Variants in PLCD1 observed in about 807,000 individuals in gnomAD.
PLCD1 encodes the protein phospholipase C delta 1.
PLCD1 carries 71 observed loss-of-function variants against 87.4 expected under a neutral mutation model. The observed-to-expected ratio is 0.81, with a 90% CI of 0.67 to 0.99. PLCD1 has a LOEUF of 0.99. Among genes scored for constraint, PLCD1 ranks in the 50% least tolerant of loss-of-function variants. The pLI, the probability that PLCD1 is intolerant of heterozygous loss-of-function variation, is 0.00. For missense variants in PLCD1, 867 were observed against 1,001.5 expected, an observed-to-expected ratio of 0.87 and a Z score of 1.81; for synonymous variants, 348 against 399.2, an observed-to-expected ratio of 0.87 and a Z score of 1.53.
Position 38,007,737 on chromosome 3 carries a change from G to C in PLCD1, c.*36C>G, listed in dbSNP as rs1699983146. ...TCCCCACATGTGGACAGAGGGCCCA[G>C]CCCACTCAGGGGGGACCCCACTGGC... On this transcript the variant is annotated 3_prime_UTR_variant, in exon 15 of 15. Transcript: ENST00000334661. 1 of 1,497,602 alleles carries C rather than the reference G, an allele frequency of 6.7e-7. No individual in the cohort carries two copies. Among genetic ancestry groups the C allele is most frequent in the Non-Finnish European group, 9.3e-7 (1 of 1,074,224 alleles). The allele number at this position is 1,497,602 out of a possible 1,614,324, so 92.8% of individuals were successfully genotyped here.
intron 1 of PLCD1, among the ~76,000 whole-genome samples, chr3:38,028,646 G>A (rs900265711): frequency 1.3e-5 from 2 of 152,254 alleles, no homozygotes; most frequent in Non-Finnish European, 2.9e-5. Context: ...GAGATGGCAA[G>A]TGACCTGGGA....
intron 8 of PLCD1, 36 bp downstream of exon 8, chr3:38,009,868 A>G (rs1460930705): frequency 1.9e-6 from 3 of 1,589,622 alleles, no homozygotes; most frequent in African/African-American, 2.7e-5. Flanking sequence ...TAGGCTCCCC[A>G]CCCTCCCCCA....
In PLCD1 at chr3:38,029,492, G is replaced by A. The variant is rs1172553431; in HGVS notation, c.34+14C>T. 18 of 1,538,970 alleles carry A rather than the reference G, an allele frequency of 1.2e-5. No individual in the cohort carries two copies. The highest frequency in any genetic ancestry group is 1.4e-5 in the African/African-American group (1 of 72,966). ...CCCTGCAGGGTCTCCCGCTCGCGCGGGCCAGGCACTCACCGTGCAGGGTCA... is the reference window on the plus strand; with the variant it reads ...CCCTGCAGGGTCTCCCGCTCGCGCGAGCCAGGCACTCACCGTGCAGGGTCA... On this transcript the variant is annotated intron_variant, in intron 1 of 14. Transcript: ENST00000334661.
Position 38,020,334 on chromosome 3 carries a change from T to A in PLCD1, c.53A>T (p.Asp18Val), listed in dbSNP as rs1000883362. 2 of 1,614,022 alleles carry A rather than the reference T, an allele frequency of 1.2e-6. No individual in the cohort carries two copies. The highest frequency in any genetic ancestry group is 1.7e-6 in the Non-Finnish European group (2 of 1,180,018). Residue 18 changes from aspartate to valine, a missense_variant, in exon 2 of 15, where the codon GAT becomes GTT. Asp to Val is a radical substitution (Grantham distance 152). Coordinates refer to ENST00000334661, the MANE Select transcript of PLCD1 (RefSeq NM_006225.4). ...GCTGCCCTTCAGCAGCGCCTGTAGA[T>A]CCTCATCATCCTGTAGGCCTGGGGA... The part of the protein sequence containing the change: ...LTLHGLQDDE[D>V]LQALLKGSQL...
At chr3:38,021,840 C>G (rs908400108) in intron 1 of PLCD1, among the ~76,000 whole-genome samples, 7 of 152,130 alleles carry the variant, frequency 4.6e-5, no homozygotes, top group African/African-American at 1.4e-4. Flanking sequence ...TTTCTGAGCC[C>G]AGATCCCCAA....
rs372005528 is a variant in PLCD1 at position 38,011,279 on chromosome 3, C to A, written c.725G>T (p.Arg242Leu). 6.2e-7 allele frequency: 1 copy of A among 1,611,784 alleles called. No homozygotes were observed. The highest frequency in any genetic ancestry group is 8.5e-7 in the Non-Finnish European group (1 of 1,180,028). Residue 242 changes from arginine (R) to leucine (L), a missense_variant, in exon 5 of 15, where the codon CGG becomes CTG. Transcript: ENST00000334661. ...QLVTFLQHQQ[R>L]EEAAGPALAL... ...CAGCGCAGGCCCTGCCGCCTCCTCC[C>A]GCTGCTGGTGCTGCAGGAACGTCAC...
intron 1 of PLCD1, among the ~76,000 whole-genome samples, chr3:38,021,578 G>A (rs1163708808): frequency 6.6e-6 from 1 of 152,192 alleles, no homozygotes; most frequent in Admixed American, 6.5e-5. Flanking sequence ...TAACCCACTG[G>A]TGTAATACAG....
chr3:38,008,529 G>C lies in PLCD1; in HGVS notation c.1831C>G (p.Pro611Ala). 6.2e-7 allele frequency: 1 copy of C among 1,614,200 alleles called. No individual in the cohort carries two copies. The highest frequency in any genetic ancestry group is 8.5e-7 in the Non-Finnish European group (1 of 1,180,012). Residue 611 changes from proline (P) to alanine (A), a missense_variant, in exon 12 of 15, where the codon CCC (proline) becomes GCC (alanine). Pro to Ala is a conservative substitution (Grantham distance 27). Transcript: ENST00000334661. ...GCGCGGGGGTTAAAGGTGCCGTTGG[G>C]GTCTCGCAGGAAGGCGGGCTTCAGC... ...YVLKPAFLRD[P>A]NGTFNPRALA...
In PLCD1 at chr3:38,008,575, G is replaced by T; in HGVS notation, c.1785C>A (p.Asp595Glu). Residue 595 changes from aspartate (D) to glutamate (E), a missense_variant, in exon 12 of 15, where the codon GAC becomes GAA. Transcript: ENST00000334661. ...TCAGCACGTACCCACAGGCCCCGTTGTCCTGGAAGCGGCCCTGGTACACGT... is the reference window on the plus strand; with the variant it reads ...TCAGCACGTACCCACAGGCCCCGTTTTCCTGGAAGCGGCCCTGGTACACGT... ...EMDVYQGRFQ[D>E]NGACGYVLKP... 6.2e-7 allele frequency: 1 copy of T among 1,614,216 alleles called. No homozygotes were observed. The highest frequency in any genetic ancestry group is 1.1e-5 in the South Asian group (1 of 91,088).
intron 1 of PLCD1, among the ~76,000 whole-genome samples, chr3:38,023,727 T>C (rs775253308): frequency 6.6e-6 from 1 of 151,892 alleles, no homozygotes; most frequent in Admixed American, 6.6e-5. Context: ...CACTGTCACA[T>C]TGGTTATACA....
In PLCD1 at chr3:38,011,712, A is replaced by T. The variant is rs753768121; in HGVS notation, c.429-39T>A. Reference sequence around the variant, plus strand: ...AAGGAAAGAACCCAGGAACCCTGGAACCTACCAAGGTCCCAGCCAGAGCCA... The same window carrying T: ...AAGGAAAGAACCCAGGAACCCTGGATCCTACCAAGGTCCCAGCCAGAGCCA... On this transcript the variant is annotated intron_variant, in intron 3 of 14. Transcript: ENST00000334661. The T allele has an allele frequency of 3.1e-6, 5 of 1,612,352 alleles. No homozygotes were observed. The East Asian group carries it at 6.7e-5, about 22-fold the overall frequency.
At chr3:38,014,495 A>G (rs1013547961) in intron 3 of PLCD1, 6 of 153,786 alleles carry the variant, frequency 3.9e-5, no homozygotes, top group Non-Finnish European at 8.8e-5. Flanking sequence ...AAAAATAAAC[A>G]ACAAAAGAAA....
rs1285587647 is a variant in PLCD1 at position 38,009,971 on chromosome 3, G to A, written c.1220C>T (p.Ala407Val). The A allele has an allele frequency of 1.2e-6, 2 of 1,613,924 alleles. No individual in the cohort carries two copies. Among genetic ancestry groups the A allele is most frequent in the Non-Finnish European group, 1.7e-6 (2 of 1,179,822 alleles). ...GTTCAACAGCATGGGGCCCAGGATGGCATGCAGGTGCCGCGCCATCACGCG... is the reference window on the plus strand; with the variant it reads ...GTTCAACAGCATGGGGCCCAGGATGACATGCAGGTGCCGCGCCATCACGCG... Reference protein sequence around the residue: ...QQRVMARHLHAILGPMLLNRP... With the variant: ...QQRVMARHLHVILGPMLLNRP... Residue 407 changes from alanine (A) to valine (V), a missense_variant, in exon 8 of 15, where the codon GCC (alanine) becomes GTC (valine). By Grantham distance (64) the Ala-to-Val change is moderately conservative. Coordinates refer to ENST00000334661, the MANE Select transcript of PLCD1 (RefSeq NM_006225.4).
intron 1 of PLCD1, among the ~76,000 whole-genome samples, chr3:38,027,511 C>T (rs990479479): frequency 6.6e-6 from 1 of 152,238 alleles, no homozygotes; most frequent in Non-Finnish European, 1.5e-5. Context: ...ACTTTGCTTT[C>T]AGAATCTATG....
intron 2 of PLCD1, among the ~76,000 whole-genome samples, chr3:38,019,192 A>G (rs534847331): frequency 1.3e-5 from 2 of 152,296 alleles, no homozygotes; most frequent in African/African-American, 4.8e-5. Context: ...CAATGGCAGG[A>G]GAATGGGCGA....
chr3:38,017,970 A>G lies in PLCD1; in HGVS notation c.200-1251T>C, dbSNP rs1700182611. Among the ~76,000 whole-genome samples the G allele has an allele frequency of 6.6e-6, 1 of 152,116 alleles. No homozygotes were observed. The highest frequency in any genetic ancestry group is 1.5e-5 in the Non-Finnish European group (1 of 68,006). The stretch of plus-strand genomic sequence containing the variant: ...AGCTGCCTGGGTCAGGAATGAAAAC[A>G]GGAAGCCTGAGCCATGGGACCCCCA... On this transcript the variant is annotated intron_variant, in intron 2 of 14. Transcript: ENST00000334661. The surrounding 1 kb of genome is among the most constrained non-coding windows in gnomAD (Gnocchi z 4.7).
chr3:38,010,392 C>A lies in PLCD1; in HGVS notation c.961G>T (p.Ala321Ser). The A allele has an allele frequency of 6.2e-7, 1 of 1,614,234 alleles. No individual in the cohort carries two copies. Among genetic ancestry groups the A allele is most frequent in the Non-Finnish European group, 8.5e-7 (1 of 1,180,040 alleles). Reference sequence around the variant, plus strand: ...TAGGCTTCAGTGCTGCTGGGCCCGGCTAGCTGGTCCTCCAGCAGGTAGGTG... The same window carrying A: ...TAGGCTTCAGTGCTGCTGGGCCCGGATAGCTGGTCCTCCAGCAGGTAGGTG... Reference protein sequence around the residue: ...HNTYLLEDQLAGPSSTEAYIR... With the variant: ...HNTYLLEDQLSGPSSTEAYIR... The change falls in exon 6 of 15, where the codon GCC (alanine) becomes TCC (serine). Residue 321 changes from alanine to serine, a missense_variant. Coordinates refer to ENST00000334661, the MANE Select transcript of PLCD1 (RefSeq NM_006225.4).
In PLCD1 at chr3:38,029,602, C is replaced by T. The variant is rs1194237617; in HGVS notation, c.-63G>A. On this transcript the variant is annotated 5_prime_UTR_variant, in exon 1 of 15. Coordinates refer to ENST00000334661, the MANE Select transcript of PLCD1 (RefSeq NM_006225.4). ...CTCACTTGAGTAGCGACAGCACCGG[C>T]GGCCTGGGGTCCGAGCGGAGTGCGG... 5 of 1,484,148 alleles carry T rather than the reference C, an allele frequency of 3.4e-6. No individual in the cohort carries two copies. The highest frequency in any genetic ancestry group is 4.5e-6 in the Non-Finnish European group (5 of 1,101,628). 91.9% of individuals were successfully genotyped at this position (1,484,148 alleles called of 1,614,324 possible).
chr3:38,008,524 G>A lies in PLCD1; in HGVS notation c.1836C>T (p.Asn612=), dbSNP rs115653853. Residue 612 remains asparagine, a synonymous_variant, in exon 12 of 15, where the codon AAC becomes AAT. Coordinates refer to ENST00000334661, the MANE Select transcript of PLCD1 (RefSeq NM_006225.4). Reference sequence around the variant, plus strand: ...CCAGGGCGCGGGGGTTAAAGGTGCCGTTGGGGTCTCGCAGGAAGGCGGGCT... The same window carrying A: ...CCAGGGCGCGGGGGTTAAAGGTGCCATTGGGGTCTCGCAGGAAGGCGGGCT... ...VLKPAFLRDP[N]GTFNPRALAQ... 103 of 1,614,202 alleles carry A rather than the reference G, an allele frequency of 6.4e-5. No individual in the cohort carries two copies. The highest frequency in any genetic ancestry group is 1.2e-4 in the African/African-American group (9 of 75,066).
Sources: allele counts gnomAD v4.1 joint callset (sites outside exome capture counted in the v4.1 genomes callset), GRCh38; gene constraint gnomAD v4.1.1; non-coding constraint Gnocchi (gnomAD v3.1); transcripts MANE v1.5; gene names NCBI Gene and HGNC (gene_info 2026-07-23, HGNC 2026-07-21).